The following KCNN2 variants were observed in gnomAD, a reference collection of about 807,000 sequenced individuals.
KCNN2 encodes the protein small conductance calcium-activated potassium channel protein 2.
KCNN2 carries 24 observed loss-of-function variants against 55.5 expected under a neutral mutation model. That is an observed-to-expected ratio of 0.43 (90% CI 0.31 to 0.61). The LOEUF is 0.61. KCNN2 is among the 20% of genes least tolerant of loss of function. The pLI is 0.08. For missense variants in KCNN2, 754 were observed against 853.6 expected (o/e 0.88, Z 1.45); for synonymous variants, 431 against 336.1 (o/e 1.28, Z -3.09).
intron 1 of KCNN2, among the ~76,000 whole-genome samples, chr5:114,208,517 T>A (rs1753817319): frequency 6.6e-6 from 1 of 152,178 alleles, no homozygotes; most frequent in Non-Finnish European, 1.5e-5. Context: ...TATCAACCCA[T>A]CTGTCTTTAG....
intron 2 of KCNN2, among the ~76,000 whole-genome samples, chr5:114,236,820 A>G (rs2112610197): frequency 6.6e-6 from 1 of 152,270 alleles, no homozygotes; most frequent in African/African-American, 2.4e-5. Context: ...ATATACACAT[A>G]CTTGCTTTAT....
At chr5:114,424,749 C>T (rs370380685) in intron 3 of KCNN2, among the ~76,000 whole-genome samples, 4 of 152,064 alleles carry the variant, frequency 2.6e-5, no homozygotes, top group African/African-American at 9.7e-5. Flanking sequence ...ACCAAGTGAC[C>T]CAGACAGAGG....
chr5:114,127,357 A>C (rs1453036110), intron 1 of KCNN2, among the ~76,000 whole-genome samples: 1 of 152,166 alleles, frequency 6.6e-6, no homozygotes, highest in Non-Finnish European at 1.5e-5. Flanking sequence ...ATCTAAGTGG[A>C]GGTTCCCCAA....
chr5:114,374,799 A>C (rs1757884725), intron 2 of KCNN2, among the ~76,000 whole-genome samples: 1 of 152,188 alleles, frequency 6.6e-6, no homozygotes, highest in Admixed American at 6.5e-5. Flanking sequence ...AACAACTGAT[A>C]TTCTACATCA....
chr5:114,417,792 A>G (rs1759353000), intron 3 of KCNN2, among the ~76,000 whole-genome samples: 4 of 152,176 alleles, frequency 2.6e-5, no homozygotes, highest in Admixed American at 2.6e-4. Flanking sequence ...TTAAGTGCTT[A>G]TGGTATTCTA....
chr5:114,229,094 A>G lies in KCNN2; in HGVS notation c.-185+7529A>G, dbSNP rs527927783. ...AAGCAGTAAAGCTATAAAATTTATG[A>G]TTGTACTAAAAATTAAAACAAATTT... On this transcript the variant is annotated intron_variant, in intron 2 of 10. Coordinates refer to the KCNN2 transcript ENST00000512097. 2.0e-5 allele frequency among the ~76,000 whole-genome samples: 3 copies of G among 152,030 alleles called. No homozygotes were observed. In the East Asian group the frequency reaches 5.8e-4, roughly 29 times the overall value.
At chr5:114,200,811 G>T (rs1753659780) in intron 1 of KCNN2, among the ~76,000 whole-genome samples, 1 of 152,046 alleles carries the variant, frequency 6.6e-6, no homozygotes, top group Non-Finnish European at 1.5e-5. Flanking sequence ...TGATTTCCTT[G>T]GTGGTTTAGA....
intron 1 of KCNN2, among the ~76,000 whole-genome samples, chr5:114,102,075 CA>C (rs1751383970): frequency 6.6e-6 from 1 of 152,160 alleles, no homozygotes; most frequent in Admixed American, 6.5e-5. Context: ...CTTATTTCTC[CA>C]CGTCCTTTCC....
chr5:114,390,913 G>C (rs563139096), intron 2 of KCNN2, among the ~76,000 whole-genome samples: 1 of 152,046 alleles, frequency 6.6e-6, no homozygotes, highest in Admixed American at 6.6e-5. Context: ...GTGCGGGCCT[G>C]GTGGTAAGAA....
intron 2 of KCNN2, among the ~76,000 whole-genome samples, chr5:114,336,173 T>A (rs1421017011): frequency 1.3e-5 from 2 of 152,202 alleles, no homozygotes; most frequent in Non-Finnish European, 2.9e-5. Flanking sequence ...GAAACAAACA[T>A]GTTTTAAACA....
chr5:114,355,998 G>A (rs760011224), intron 2 of KCNN2, among the ~76,000 whole-genome samples: 1 of 152,098 alleles, frequency 6.6e-6, no homozygotes, highest in Non-Finnish European at 1.5e-5. Flanking sequence ...CAATAGTTAA[G>A]GATCAGAGAA....
intron 4 of KCNN2, among the ~76,000 whole-genome samples, chr5:114,470,070 C>T (rs1424922407): frequency 1.3e-5 from 2 of 152,136 alleles, no homozygotes; most frequent in African/African-American, 4.8e-5. Context: ...CAGAGGTACT[C>T]ATTTTTAATG....
intron 3 of KCNN2, among the ~76,000 whole-genome samples, chr5:114,423,497 AT>A (rs1265506123): frequency 6.6e-6 from 1 of 152,064 alleles, no homozygotes; most frequent in Non-Finnish European, 1.5e-5. Context: ...ATTAAGACCT[AT>A]TTCTAAAGGT....
intron 1 of KCNN2, among the ~76,000 whole-genome samples, chr5:114,154,393 G>A (rs1057429145): frequency 6.6e-6 from 1 of 152,062 alleles, no homozygotes; most frequent in African/African-American, 2.4e-5. Context: ...AGGGCTCTGT[G>A]TGAGATGGAA....
chr5:114,453,434 C>G (rs958935120), intron 3 of KCNN2, among the ~76,000 whole-genome samples: 1 of 152,160 alleles, frequency 6.6e-6, no homozygotes, highest in African/African-American at 2.4e-5. Flanking sequence ...TTTTTAAGAT[C>G]TTTTCTTTAT....
chr5:114,375,169 T>C (rs1226737218), intron 2 of KCNN2, among the ~76,000 whole-genome samples: 1 of 152,158 alleles, frequency 6.6e-6, no homozygotes, highest in Non-Finnish European at 1.5e-5. Context: ...TGTTTAATTT[T>C]TTACTGTGTG....
chr5:114,484,746 C>G (rs1014352861), intron 5 of KCNN2, among the ~76,000 whole-genome samples: 5 of 152,142 alleles, frequency 3.3e-5, no homozygotes, highest in African/African-American at 1.2e-4. Context: ...AAATATGATG[C>G]CTTAGGAGGT....
intron 3 of KCNN2, among the ~76,000 whole-genome samples, chr5:114,429,354 T>G (rs11241278): frequency 0.092 from 14,067 of 152,136 alleles, 791 homozygotes; most frequent in Admixed American, 0.15. Context: ...CTAGTATGTA[T>G]GTAGTGGTAT....
At chr5:114,167,833 A>G (rs1337184822) in intron 1 of KCNN2, among the ~76,000 whole-genome samples, 3 of 152,142 alleles carry the variant, frequency 2.0e-5, no homozygotes, top group East Asian at 3.8e-4. Context: ...AGCCCATCCC[A>G]TACTTTTCAA....
Sources: allele counts gnomAD v4.1 joint callset (sites outside exome capture counted in the v4.1 genomes callset), GRCh38; gene constraint gnomAD v4.1.1; transcripts MANE v1.5; gene names NCBI Gene and HGNC (gene_info 2026-07-23, HGNC 2026-07-21).